Variants in GALNT14 observed in about 807,000 individuals in gnomAD.
The protein encoded by GALNT14 is polypeptide N-acetylgalactosaminyltransferase 14.
GALNT14 carries 60 observed loss-of-function variants against 77.5 expected under a neutral mutation model. That is an observed-to-expected ratio of 0.77 (90% CI 0.63 to 0.96). The LOEUF (loss-of-function observed/expected upper bound fraction) is 0.96. Among genes scored for constraint, GALNT14 ranks in the 40% least tolerant of loss-of-function variants. GALNT14 has a pLI of 0.00. For missense variants in GALNT14, 710 were observed against 731.0 expected (o/e 0.97, Z 0.33); for synonymous variants, 280 against 281.7 (o/e 0.99, Z 0.06).
chr2:30,958,592 G>T (rs1667505335), intron 3 of GALNT14, 128 bp from the exon 4 acceptor site: 1 of 682,202 alleles, frequency 1.5e-6, no homozygotes, highest in Admixed American at 2.4e-5. Context: ...GGCTTGTCCA[G>T]TCATATTGCT....
At chr2:31,090,367 C>T (rs528499030) in intron 1 of GALNT14, among the ~76,000 whole-genome samples, 4 of 152,202 alleles carry the variant, frequency 2.6e-5, no homozygotes, top group South Asian at 2.1e-4. Context: ...GCCAGGCACA[C>T]GTGGATGGCC....
chr2:30,995,895 A>T (rs959933109), intron 1 of GALNT14, among the ~76,000 whole-genome samples: 2 of 152,236 alleles, frequency 1.3e-5, no homozygotes, highest in African/African-American at 4.8e-5. Context: ...ATGGAGGCTG[A>T]CAAGTCCCAG....
intron 6 of GALNT14, among the ~76,000 whole-genome samples, chr2:30,948,915 C>T (rs1000014359): frequency 1.3e-5 from 2 of 152,266 alleles, no homozygotes; most frequent in East Asian, 3.9e-4. Context: ...CACAGACTTC[C>T]CCAGAAGCCA....
At chr2:31,011,599 C>T (rs894993366) in intron 1 of GALNT14, among the ~76,000 whole-genome samples, 18 of 152,094 alleles carry the variant, frequency 1.2e-4, no homozygotes, top group African/African-American at 4.3e-4. Flanking sequence ...ACCCTGGGGC[C>T]ACAGGAGGCA....
intron 12 of GALNT14, 98 bp downstream of exon 12, chr2:30,924,642 C>A: frequency 1.0e-6 from 1 of 961,808 alleles, no homozygotes; most frequent in South Asian, 1.5e-5. Context: ...ACATAAAAGC[C>A]CTCATCCAGT....
Position 30,923,131 on chromosome 2 carries a change from C to T in GALNT14, c.1380+988G>A, listed in dbSNP as rs183729262. Among the ~76,000 whole-genome samples, 66 of 139,274 alleles carry T rather than the reference C, an allele frequency of 4.7e-4. 1 individual carries two copies. The East Asian group carries it at 0.014, about 29-fold the overall frequency. The allele number at this position is 139,274 out of a possible 152,430, so 91.4% of individuals were successfully genotyped here. On this transcript the variant is annotated intron_variant, in intron 13 of 14. Coordinates refer to ENST00000349752, the MANE Select transcript of GALNT14 (RefSeq NM_024572.4). ...GGGCTGGAGTGCAATGGTGTGATCTCGGCTCACTGCAACCTCCGCCTCCAG... is the reference window on the plus strand; with the variant it reads ...GGGCTGGAGTGCAATGGTGTGATCTTGGCTCACTGCAACCTCCGCCTCCAG...
At chr2:31,014,785 A>G (rs540080382) in intron 1 of GALNT14, among the ~76,000 whole-genome samples, 1 of 152,212 alleles carries the variant, frequency 6.6e-6, no homozygotes, top group South Asian at 2.1e-4. Flanking sequence ...TTTACCATGT[A>G]TATAGAGTGC....
At chr2:30,963,923 G>C (rs1360251863) in intron 3 of GALNT14, among the ~76,000 whole-genome samples, 1 of 152,206 alleles carries the variant, frequency 6.6e-6, no homozygotes, top group African/African-American at 2.4e-5. Context: ...CCTTGGTTAG[G>C]ATACTGAGCC....
intron 1 of GALNT14, among the ~76,000 whole-genome samples, chr2:31,001,798 A>G (rs1166504226): frequency 6.6e-6 from 1 of 152,224 alleles, no homozygotes; most frequent in Non-Finnish European, 1.5e-5. Flanking sequence ...AAAATATGGT[A>G]TAATGTAACA....
chr2:31,108,375 A>C (rs1318418492), intron 1 of GALNT14, among the ~76,000 whole-genome samples: 1 of 152,236 alleles, frequency 6.6e-6, no homozygotes, highest in African/African-American at 2.4e-5. Context: ...GTGAACAGTA[A>C]GTTTTTTCCG....
At chr2:31,077,859 G>A (rs903555413) in intron 1 of GALNT14, among the ~76,000 whole-genome samples, 10 of 152,160 alleles carry the variant, frequency 6.6e-5, no homozygotes, top group African/African-American at 1.9e-4. Flanking sequence ...CACAGTCTAG[G>A]TTAAAAGGCT....
At chr2:31,106,224 C>T (rs1288796433) in intron 1 of GALNT14, among the ~76,000 whole-genome samples, 1 of 152,160 alleles carries the variant, frequency 6.6e-6, no homozygotes, top group Non-Finnish European at 1.5e-5. Context: ...TTTAAGTCTT[C>T]TTTTAGATCA....
At chr2:30,954,003 T>C (rs555320781) in intron 6 of GALNT14, among the ~76,000 whole-genome samples, 1 of 152,162 alleles carries the variant, frequency 6.6e-6, no homozygotes, top group Non-Finnish European at 1.5e-5. Flanking sequence ...GGCAGAGGAC[T>C]AACCCAGAAG....
chr2:30,995,122 A>T (rs1261338774), intron 1 of GALNT14, among the ~76,000 whole-genome samples: 2 of 136,322 alleles, frequency 1.5e-5, no homozygotes, highest in Admixed American at 7.5e-5. Flanking sequence ...AGACAAGCAG[A>T]ACCAATGTTG....
intron 7 of GALNT14, 148 bp downstream of exon 7, chr2:30,945,635 G>C (rs192844305): frequency 1.5e-4 from 99 of 674,850 alleles, no homozygotes; most frequent in Non-Finnish European, 2.4e-4. Flanking sequence ...TGGTGGTAAG[G>C]GCCAAGCTAA....
At chr2:30,977,895 T>C (rs376971079) in intron 2 of GALNT14, among the ~76,000 whole-genome samples, 32 of 152,180 alleles carry the variant, frequency 2.1e-4, no homozygotes, top group African/African-American at 7.5e-4. Context: ...TGGTTTGCCC[T>C]CCTGCAACAG....
At chr2:31,081,186 G>A (rs1444392861) in intron 1 of GALNT14, among the ~76,000 whole-genome samples, 1 of 152,188 alleles carries the variant, frequency 6.6e-6, no homozygotes, top group Non-Finnish European at 1.5e-5. Flanking sequence ...TTCAGAAATG[G>A]TAAAGCTCAG....
At chr2:31,078,654 A>G (rs1254167934) in intron 1 of GALNT14, among the ~76,000 whole-genome samples, 1 of 152,200 alleles carries the variant, frequency 6.6e-6, no homozygotes, top group Non-Finnish European at 1.5e-5. Context: ...GGCTAGCCCT[A>G]CAGAAGTACC....
intron 3 of GALNT14, among the ~76,000 whole-genome samples, chr2:30,965,049 G>A (rs571291010): frequency 1.7e-4 from 26 of 152,254 alleles, no homozygotes; most frequent in East Asian, 1.5e-3. Flanking sequence ...CTAATGAGCC[G>A]CGTTTCATGG....
Sources: gnomAD v4.1 joint callset for allele counts (sites outside exome capture counted in the v4.1 genomes callset) on GRCh38, gnomAD v4.1.1 for gene constraint, MANE v1.5 for transcripts, NCBI Gene and HGNC (gene_info 2026-07-23, HGNC 2026-07-21) for gene names.